The following NSUN4 variants were observed in gnomAD, a reference collection of about 807,000 sequenced individuals.
The protein encoded by NSUN4 is 5-cytosine rRNA methyltransferase NSUN4.
In NSUN4, 31 loss-of-function variants were observed where a neutral mutation model predicts 43.8. That is an observed-to-expected ratio of 0.71 (90% confidence interval 0.53 to 0.96). NSUN4 has a LOEUF of 0.96. Among genes scored for constraint, NSUN4 ranks in the 40% least tolerant of loss-of-function variants. The pLI, the probability that NSUN4 is intolerant of heterozygous loss-of-function variation, is 0.00. For missense variants in NSUN4, 439 were observed against 475.6 expected, an observed-to-expected ratio of 0.92 and a Z score of 0.72; for synonymous variants, 167 against 184.1, an observed-to-expected ratio of 0.91 and a Z score of 0.75.
At chr1:46,341,966 C>G in intron 1 of NSUN4, 1 of 1,232,758 alleles carries the variant, frequency 8.1e-7, no homozygotes, top group Non-Finnish European at 1.0e-6. Flanking sequence ...CTCATCAGTC[C>G]CCGGGAACGA....
Position 46,340,904 on chromosome 1 carries a change from AT to A in NSUN4, c.79del (p.Tyr27IlefsTer24). On this transcript the variant is annotated frameshift_variant, in exon 1 of 6. Coordinates refer to ENST00000474844, the MANE Select transcript of NSUN4 (RefSeq NM_199044.4). LOFTEE classifies it high-confidence loss of function. ...DLATVPRRHR[Y>X]KKKWAATEPK... is the part of the protein sequence containing the mutation. ...TCGCGACGGTCCCGCGGAGACATCG[AT>A]ATAAGAAGAAATGGGTAAGGTCCGG... 6.2e-7 allele frequency: 1 copy of A among 1,613,422 alleles called. No homozygotes were observed. Among genetic ancestry groups the A allele is most frequent in the Non-Finnish European group, 8.5e-7 (1 of 1,179,656 alleles).
Position 46,362,095 on chromosome 1 carries a change from C to T in NSUN4, c.*249C>T, listed in dbSNP as rs1663922689. 4 of 530,882 alleles carry T rather than the reference C, an allele frequency of 7.5e-6. No homozygotes were observed. The highest frequency in any genetic ancestry group is 2.4e-5 in the South Asian group (1 of 42,334). 32.9% of individuals were successfully genotyped at this position (530,882 alleles called of 1,614,324 possible). A position where few individuals can be genotyped will look rare whatever the true frequency, so the allele number is the denominator to read the frequency against. ...TCCAGGCCTGTACTAAAGTTTGCTG[C>T]CCGCTTAGGGGCTTAGAAGGAGAAG... On this transcript the variant is annotated 3_prime_UTR_variant, in exon 6 of 6. Coordinates refer to ENST00000474844, the MANE Select transcript of NSUN4 (RefSeq NM_199044.4).
At chr1:46,351,199 C>G (rs1235104715) in intron 3 of NSUN4, among the ~76,000 whole-genome samples, 1 of 152,066 alleles carries the variant, frequency 6.6e-6, no homozygotes. Flanking sequence ...AACCCCGTCT[C>G]TACTAAAAAT....
At position 46,353,128 on chromosome 1, in the gene NSUN4, C is replaced by G. The variant is rs1042596774; in HGVS notation, c.753+100C>G. 15 of 1,120,770 alleles carry G rather than the reference C, an allele frequency of 1.3e-5. No homozygotes were observed. The Admixed American group carries it at 3.0e-4, about 23-fold the overall frequency. The allele number at this position is 1,120,770 out of a possible 1,614,324, so 69.4% of individuals were successfully genotyped here. The stretch of plus-strand genomic sequence containing the variant: ...TTAGGATCCAGCCCCTATGTTTGAG[C>G]ATGTAGAGCTGTTTCTGGACTGGCC... On this transcript the variant is annotated intron_variant, in intron 4 of 5. Transcript: ENST00000474844.
chr1:46,377,612 A>G, the NSUN4 span, among the ~76,000 whole-genome samples: 1 of 152,252 alleles, frequency 6.6e-6, no homozygotes, highest in Non-Finnish European at 1.5e-5. Context: ...ACCAGATCAA[A>G]GTGAAAAATA....
the NSUN4 span, among the ~76,000 whole-genome samples, chr1:46,382,722 C>G: frequency 6.6e-6 from 1 of 152,030 alleles, no homozygotes; most frequent in African/African-American, 2.4e-5. Context: ...CTGCCTTAGC[C>G]TCCCAAGTAG....
At chr1:46,355,508 T>C (rs1435920889) in intron 4 of NSUN4, among the ~76,000 whole-genome samples, 1 of 152,198 alleles carries the variant, frequency 6.6e-6, no homozygotes, top group Non-Finnish European at 1.5e-5. Context: ...GCCTATCCCG[T>C]AGGTGAAAAT....
In NSUN4 at chr1:46,363,573, C is replaced by CAGCT. The variant is rs145331539; in HGVS notation, c.*1729_*1732dup. ...AGTTTATCTGCTGTAATTGAACATT[C>CAGCT]AGCTACCCTATAACCCAGTTAATCC... is the stretch of plus-strand genomic sequence containing the variant. On this transcript the variant is annotated 3_prime_UTR_variant, in exon 6 of 6. Transcript: ENST00000474844. 2.0e-5 allele frequency: 3 copies of CAGCT among 152,454 alleles called. No individual in the cohort carries two copies. The East Asian group carries it at 5.8e-4, about 29-fold the overall frequency. 9.4% of individuals were successfully genotyped at this position (152,454 alleles called of 1,614,324 possible).
intron 3 of NSUN4, among the ~76,000 whole-genome samples, chr1:46,347,892 T>C (rs955451569): frequency 1.3e-5 from 2 of 151,824 alleles, no homozygotes; most frequent in African/African-American, 4.8e-5. Context: ...TTTCTCTTTT[T>C]TTCGAGATGG....
intron 4 of NSUN4, among the ~76,000 whole-genome samples, chr1:46,355,115 G>A (rs1011066118): frequency 3.9e-5 from 6 of 152,230 alleles, no homozygotes; most frequent in African/African-American, 7.2e-5. Flanking sequence ...CAACCTCTTC[G>A]TTTGTGAAAC....
Position 46,360,824 on chromosome 1 carries a change from C to T in NSUN4, c.874C>T (p.Leu292Phe). ...QILPVLQVQL[L>F]AAGLLATKPG... ...ATTGCCTGTGCTGCAAGTGCAGCTT[C>T]TTGCGTGAGTGACAGATTTTTAAAC... The change falls in exon 5 of 6, where the codon CTT (leucine) becomes TTT (phenylalanine). Residue 292 changes from leucine (L) to phenylalanine (F), a missense_variant. Leu to Phe is a conservative substitution (Grantham distance 22, BLOSUM62 0). Coordinates refer to ENST00000474844, the MANE Select transcript of NSUN4 (RefSeq NM_199044.4). 5.0e-6 allele frequency: 8 copies of T among 1,613,764 alleles called. No homozygotes were observed. Among genetic ancestry groups the T allele is most frequent in the Non-Finnish European group, 1.7e-6 (2 of 1,179,764 alleles).
In NSUN4 at chr1:46,363,588, C is replaced by T. The variant is rs1052129699; in HGVS notation, c.*1742C>T. ...ATTGAACATTCAGCTACCCTATAAC[C>T]CAGTTAATCCAATACTGGGGATAAA... is the stretch of plus-strand genomic sequence containing the variant. On this transcript the variant is annotated 3_prime_UTR_variant, in exon 6 of 6. Coordinates refer to ENST00000474844, the MANE Select transcript of NSUN4 (RefSeq NM_199044.4). The T allele has an allele frequency of 2.0e-5, 3 of 152,326 alleles. No individual in the cohort carries two copies. The highest frequency in any genetic ancestry group is 7.2e-5 in the African/African-American group (3 of 41,436). The allele number at this position is 152,326 out of a possible 1,614,324, so 9.4% of individuals were successfully genotyped here.
At chr1:46,385,188 C>A in the NSUN4 span, among the ~76,000 whole-genome samples, 3 of 152,136 alleles carry the variant, frequency 2.0e-5, no homozygotes, top group Non-Finnish European at 2.9e-5. Context: ...TTAATAAAAT[C>A]TTGTAGACAT....
chr1:46,369,960 A>G (rs1203109446), downstream of NSUN4, among the ~76,000 whole-genome samples: 2 of 152,218 alleles, frequency 1.3e-5, no homozygotes, highest in African/African-American at 4.8e-5. Flanking sequence ...AACTGGCTCT[A>G]CAGAAATTGC....
rs541918905 is a variant in NSUN4 at position 46,343,611 on chromosome 1, A to G, written c.94-1190A>G. 5 of 400,110 alleles carry G rather than the reference A, an allele frequency of 1.2e-5. No homozygotes were observed. The East Asian group carries it at 1.8e-4, about 14-fold the overall frequency. 24.8% of individuals were successfully genotyped at this position (400,110 alleles called of 1,614,324 possible). A position where few individuals can be genotyped will look rare whatever the true frequency, so the allele number is the denominator to read the frequency against. On this transcript the variant is annotated intron_variant, in intron 1 of 5. Transcript: ENST00000474844. Reference sequence around the variant, plus strand: ...TGATGGCAGAAGTCAGAGCTGGAGCAAGAGGCATCATCTGAGCAGAAGTCC... The same window carrying G: ...TGATGGCAGAAGTCAGAGCTGGAGCGAGAGGCATCATCTGAGCAGAAGTCC...
chr1:46,381,166 C>T, the NSUN4 span, among the ~76,000 whole-genome samples: 4 of 152,202 alleles, frequency 2.6e-5, no homozygotes, highest in African/African-American at 9.7e-5. Context: ...ATCCAAGGCC[C>T]TCTGGGTTAT....
intron 3 of NSUN4, among the ~76,000 whole-genome samples, chr1:46,348,336 C>T (rs17361812): frequency 0.22 from 34,158 of 152,166 alleles, 4,312 homozygotes; most frequent in Non-Finnish European, 0.29. Flanking sequence ...CTGTCTCCTA[C>T]GCTCCCACAG....
At chr1:46,371,278 T>TCACCAG in the NSUN4 span, among the ~76,000 whole-genome samples, 1 of 150,400 alleles carries the variant, frequency 6.6e-6, no homozygotes, top group Admixed American at 6.6e-5. Flanking sequence ...CAGGTGCCTG[T>TCACCAG]CACCACGCCT....
chr1:46,354,177 G>T (rs1663205331), intron 4 of NSUN4, among the ~76,000 whole-genome samples: 2 of 151,914 alleles, frequency 1.3e-5, no homozygotes, highest in Non-Finnish European at 1.5e-5. Flanking sequence ...TGTGAACACG[G>T]CTCACTGCAG....
Sources: gnomAD v4.1 joint callset for allele counts (sites outside exome capture counted in the v4.1 genomes callset) on GRCh38, gnomAD v4.1.1 for gene constraint, MANE v1.5 for transcripts, NCBI Gene and HGNC (gene_info 2026-07-23, HGNC 2026-07-21) for gene names.